SMURF1: variants seen among roughly 807,000 people sequenced by gnomAD.
SMURF1 encodes E3 ubiquitin-protein ligase SMURF1.
In SMURF1, 44 loss-of-function variants were observed where a neutral mutation model predicts 98.0. The observed-to-expected ratio is 0.45, with a 90% CI of 0.35 to 0.58. The LOEUF is 0.58. SMURF1 is among the 20% of genes least tolerant of loss of function. The pLI is 0.00. For synonymous variants in SMURF1, 396 were observed against 374.9 expected (o/e 1.06, Z -0.65); for missense variants, 687 against 938.4 (o/e 0.73, Z 3.50).
At chr7:99,058,318 C>T (rs1375420567) in intron 3 of SMURF1, among the ~76,000 whole-genome samples, 3 of 151,470 alleles carry the variant, frequency 2.0e-5, no homozygotes, top group Non-Finnish European at 4.4e-5. Context: ...TTAGTAGAGA[C>T]GGGGTTTCAC....
chr7:99,122,894 G>A (rs1369327382), intron 1 of SMURF1, among the ~76,000 whole-genome samples: 1 of 151,398 alleles, frequency 6.6e-6, no homozygotes, highest in Non-Finnish European at 1.5e-5. Flanking sequence ...CTCTCAACTT[G>A]GTTCATGAGT....
intron 16 of SMURF1, among the ~76,000 whole-genome samples, chr7:99,033,912 C>G (rs3823735): frequency 0.097 from 14,709 of 152,268 alleles, 775 homozygotes; most frequent in East Asian, 0.22. Context: ...GAAAGGAGGG[C>G]GCAGAGGGCA....
rs1157370017 is a variant in SMURF1, at chr7:99,060,506, CCTT to C, written c.203+90_203+92del. The C allele has an allele frequency of 8.4e-4, 597 of 710,714 alleles. 1 individual carries two copies. Among genetic ancestry groups the C allele is most frequent in the Non-Finnish European group, 1.2e-3 (560 of 460,854 alleles). The allele number at this position is 710,714 out of a possible 1,614,324, so 44.0% of individuals were successfully genotyped here. Reference sequence around the variant, plus strand: ...GCTTTTGTTATCAATAAAAAGTCATCCTTTTTTTTTTTTTCTCTTGGATGTTTC... The same window carrying C: ...GCTTTTGTTATCAATAAAAAGTCATCTTTTTTTTTTTCTCTTGGATGTTTC... On this transcript the variant is annotated intron_variant, in intron 3 of 17. Coordinates refer to ENST00000361368, the MANE Select transcript of SMURF1 (RefSeq NM_181349.3).
intron 1 of SMURF1, among the ~76,000 whole-genome samples, chr7:99,092,452 T>C (rs1383053799): frequency 6.6e-6 from 1 of 152,224 alleles, no homozygotes; most frequent in Non-Finnish European, 1.5e-5. Flanking sequence ...CACAGATGTT[T>C]GCAGAGCAAC....
intron 1 of SMURF1, among the ~76,000 whole-genome samples, chr7:99,134,134 C>T (rs1335458637): frequency 7.1e-6 from 1 of 140,770 alleles, no homozygotes; most frequent in Non-Finnish European, 1.5e-5. Context: ...GGGTCTCGCT[C>T]TGTAAGGCTA....
chr7:99,044,502 A>T (rs1320969577), intron 11 of SMURF1, among the ~76,000 whole-genome samples: 4 of 152,230 alleles, frequency 2.6e-5, no homozygotes, highest in African/African-American at 9.6e-5. Context: ...TGGTTACAGA[A>T]GAGAATGTAA....
At chr7:99,052,919 C>G (rs1339271046) in intron 6 of SMURF1, among the ~76,000 whole-genome samples, 7 of 152,158 alleles carry the variant, frequency 4.6e-5, no homozygotes, top group Admixed American at 1.3e-4. Flanking sequence ...CAAAAATTAG[C>G]TGGGTGTGGT....
chr7:99,124,855 T>C (rs1278796920), intron 1 of SMURF1, among the ~76,000 whole-genome samples: 3 of 152,196 alleles, frequency 2.0e-5, no homozygotes, highest in Non-Finnish European at 4.4e-5. Flanking sequence ...TCCGTCATCA[T>C]ACAAAAATTT....
intron 12 of SMURF1, among the ~76,000 whole-genome samples, chr7:99,041,861 A>G (rs1014050410): frequency 6.6e-6 from 1 of 152,256 alleles, no homozygotes; most frequent in Non-Finnish European, 1.5e-5. Context: ...AAATGATCAC[A>G]AAGTGTGAGT....
Position 99,049,680 on chromosome 7 carries a change from A to G in SMURF1, c.836T>C (p.Leu279Pro). Residue 279 changes from leucine (L) to proline (P), a missense_variant, in exon 9 of 18, where the codon CTT (leucine) becomes CCT (proline). Physicochemically the swap from Leu to Pro is moderately conservative, Grantham distance 98. Transcript: ENST00000361368. ...TTCCCAGCCTGGCGGCAGTGGTCCA[A>G]GTTCATCACAGTTCACACTGTTAAG... is the stretch of plus-strand genomic sequence containing the variant. Reference protein sequence around the residue: ...RDLNSVNCDELGPLPPGWEVR... With the variant: ...RDLNSVNCDEPGPLPPGWEVR... The G allele has an allele frequency of 5.6e-6, 9 of 1,614,140 alleles. No individual in the cohort carries two copies. Among genetic ancestry groups the G allele is most frequent in the Non-Finnish European group, 7.6e-6 (9 of 1,180,022 alleles).
chr7:99,112,254 G>C (rs913890153), intron 1 of SMURF1, among the ~76,000 whole-genome samples: 1 of 152,196 alleles, frequency 6.6e-6, no homozygotes, highest in African/African-American at 2.4e-5. Context: ...CTAAGACAGA[G>C]TTGTAAAATG....
chr7:99,091,278 A>C (rs1172346052), intron 1 of SMURF1, among the ~76,000 whole-genome samples: 1 of 152,220 alleles, frequency 6.6e-6, no homozygotes, highest in Admixed American at 6.5e-5. Flanking sequence ...ACACACACAC[A>C]ATTTGGTAAA....
intron 1 of SMURF1, among the ~76,000 whole-genome samples, chr7:99,100,644 G>A (rs571024390): frequency 8.5e-5 from 13 of 152,298 alleles, no homozygotes; most frequent in Non-Finnish European, 1.6e-4. Flanking sequence ...AGCTTTCCCA[G>A]GAGACTAAAG....
At chr7:99,119,003 A>ATTTTTTTTTT (rs67705340) in intron 1 of SMURF1, among the ~76,000 whole-genome samples, 1 of 42,882 alleles carries the variant, frequency 2.3e-5, no homozygotes, top group African/African-American at 1.1e-4. Flanking sequence ...TAACATGCCA[A>ATTTTTTTTTT]TTTTTTTTTT....
chr7:99,033,159 T>A, intron 16 of SMURF1, 38 bp from the exon 17 acceptor site: 1 of 1,547,970 alleles, frequency 6.5e-7, no homozygotes, highest in Non-Finnish European at 8.7e-7. Context: ...ACTTCAGAGT[T>A]ACAGCCGTGG....
chr7:99,125,039 T>C (rs1346329636), intron 1 of SMURF1, among the ~76,000 whole-genome samples: 1 of 148,976 alleles, frequency 6.7e-6, no homozygotes, highest in Admixed American at 6.8e-5. Flanking sequence ...TAGAGCATAG[T>C]AGTTATTCAA....
rs1794822905 is a variant in SMURF1 at position 99,030,066 on chromosome 7, C to G, written c.*518G>C. ...AGTTATTTTCCAGTTGGAAATTGAT[C>G]TGCTACCCAGAACCGGCTGCTGGGA... On this transcript the variant is annotated 3_prime_UTR_variant, in exon 18 of 18. Transcript: ENST00000361368. The G allele has an allele frequency of 6.5e-6, 1 of 154,038 alleles. No homozygotes were observed. Among genetic ancestry groups the G allele is most frequent in the Non-Finnish European group, 1.4e-5 (1 of 69,086 alleles). 9.5% of individuals were successfully genotyped at this position (154,038 alleles called of 1,614,324 possible). A position where few individuals can be genotyped will look rare whatever the true frequency, so the allele number is the denominator to read the frequency against.
At chr7:99,063,159 A>G (rs1796075725) in intron 1 of SMURF1, among the ~76,000 whole-genome samples, 1 of 145,654 alleles carries the variant, frequency 6.9e-6, no homozygotes, top group African/African-American at 2.5e-5. Context: ...CTAAGTGAAT[A>G]ATGTCGTAAG....
intron 1 of SMURF1, among the ~76,000 whole-genome samples, chr7:99,066,172 C>T (rs1015212843): frequency 3.9e-5 from 6 of 152,138 alleles, no homozygotes; most frequent in Admixed American, 6.5e-5. Flanking sequence ...ATGAACTGAC[C>T]GTTTCAAGAC....
Sources: gnomAD v4.1 joint callset for allele counts (sites outside exome capture counted in the v4.1 genomes callset) on GRCh38, gnomAD v4.1.1 for gene constraint, MANE v1.5 for transcripts, NCBI Gene and HGNC (gene_info 2026-07-23, HGNC 2026-07-21) for gene names.